The following WASHC4 variants were observed in gnomAD, a reference collection of about 807,000 sequenced individuals.
WASHC4 encodes WASH complex subunit 7.
A neutral mutation model predicts 166.6 loss-of-function variants in WASHC4; 86 were observed. That is an observed-to-expected ratio of 0.52 (90% CI 0.43 to 0.62). The LOEUF (loss-of-function observed/expected upper bound fraction) is 0.62. Ranked by LOEUF, WASHC4 falls within the 20% of genes least tolerant of loss-of-function variation. The pLI is 0.00. For missense variants in WASHC4, 1,262 were observed against 1,382.4 expected, an observed-to-expected ratio of 0.91 and a Z score of 1.38; for synonymous variants, 446 against 451.6, an observed-to-expected ratio of 0.99 and a Z score of 0.16.
At chr12:105,118,292 T>A (rs1484028859) in intron 6 of WASHC4, among the ~76,000 whole-genome samples, 154 bp from the exon 7 acceptor site, 1 of 152,232 alleles carries the variant, frequency 6.6e-6, no homozygotes, top group Non-Finnish European at 1.5e-5. Flanking sequence ...TATTGATTGC[T>A]TGAGGGATGC....
At position 105,122,229 on chromosome 12, in the gene WASHC4, G is replaced by T. The variant is rs1880823982; in HGVS notation, c.777G>T (p.Met259Ile). 5 of 1,612,312 alleles carry T rather than the reference G, an allele frequency of 3.1e-6. No individual in the cohort carries two copies. The East Asian group carries it at 8.9e-5, about 29-fold the overall frequency. The change falls in exon 10 of 33, where the codon ATG becomes ATT. Residue 259 changes from methionine (M) to isoleucine (I), a missense_variant. Transcript: ENST00000332180. Reference sequence around the variant, plus strand: ...TAGAAGGGCAATTACTGGATGGAATGATATTCCAGGTAAGTAGGTCTGTAT... The same window carrying T: ...TAGAAGGGCAATTACTGGATGGAATTATATTCCAGGTAAGTAGGTCTGTAT... ...LKLEGQLLDG[M>I]IFQACIEQQF...
chr12:105,144,653 C>G (rs1883148645), intron 21 of WASHC4, 65 bp from the exon 22 acceptor site: 1 of 1,444,320 alleles, frequency 6.9e-7, no homozygotes, highest in Non-Finnish European at 9.6e-7. Context: ...GTTGTTTTTT[C>G]CTTTTAGGTT....
At chr12:105,146,320 T>C (rs1196803) in intron 22 of WASHC4, 132 bp from the exon 23 acceptor site, 344,401 of 646,662 alleles carry the variant, frequency 0.53, 93,014 homozygotes, top group Middle Eastern at 0.63. Context: ...TGATCGTACC[T>C]TTTATATAGT....
intron 24 of WASHC4, chr12:105,147,612 A>G: frequency 1.0e-6 from 1 of 1,004,994 alleles, no homozygotes; most frequent in Non-Finnish European, 1.2e-6. Flanking sequence ...CTTCTTAGAA[A>G]TGGGCATTCA....
rs954696746 is a variant in WASHC4, at chr12:105,115,343, C to G, written c.367+114C>G. The stretch of plus-strand genomic sequence containing the variant: ...TAATAGTGTGAGAAAAATAAGTATT[C>G]ATATTTTTTGTTGGTATGTTTGGTA... On this transcript the variant is annotated intron_variant, in intron 5 of 32. Transcript: ENST00000332180. 13 of 786,050 alleles carry G rather than the reference C, an allele frequency of 1.7e-5. No individual in the cohort carries two copies. In the Middle Eastern group the frequency reaches 1.1e-3, roughly 69 times the overall value. The allele number at this position is 786,050 out of a possible 1,614,324, so 48.7% of individuals were successfully genotyped here.
Position 105,143,127 on chromosome 12 carries a change from T to C in WASHC4, c.1894T>C (p.Tyr632His), listed in dbSNP as rs896135520. ...ENAVDAARLH[Y>H]MFSALRDCVP... The stretch of plus-strand genomic sequence containing the variant: ...ATGTACATTTTAATTTTCTTCTTAG[T>C]ACATGTTCAGTGCTTTGCGCGACTG... The change falls in exon 20 of 33, where the codon TAC becomes CAC. Residue 632 changes from tyrosine (Y) to histidine (H), a missense_variant and splice_region_variant. Tyr to His is a moderately conservative substitution (Grantham distance 83, BLOSUM62 2). Coordinates refer to ENST00000332180, the MANE Select transcript of WASHC4 (RefSeq NM_015275.3). 7 of 1,591,624 alleles carry C rather than the reference T, an allele frequency of 4.4e-6. No individual in the cohort carries two copies. The African/African-American group carries it at 9.4e-5, about 21-fold the overall frequency.
At chr12:105,142,610 G>T in intron 19 of WASHC4, 52 bp downstream of exon 19, 1 of 1,052,590 alleles carries the variant, frequency 9.5e-7, no homozygotes, top group South Asian at 1.3e-5. Context: ...AAGTCACTGT[G>T]TAAACCGTTT....
chr12:105,140,980 A>T lies in WASHC4; in HGVS notation c.1642A>T (p.Asn548Tyr), dbSNP rs1882793311. 6.2e-7 allele frequency: 1 copy of T among 1,614,188 alleles called. No homozygotes were observed. The highest frequency in any genetic ancestry group is 8.5e-7 in the Non-Finnish European group (1 of 1,180,020). ...TCTAGTTTTGGCTGAAAACACTCTA[A>T]ATGGACCAAGCACAAAGCAACGGCG... ...SALVLAENTL[N>Y]GPSTKQRRLI... The change falls in exon 17 of 33, where the codon AAT becomes TAT. Residue 548 changes from asparagine (N) to tyrosine (Y), a missense_variant. Coordinates refer to ENST00000332180, the MANE Select transcript of WASHC4 (RefSeq NM_015275.3).
At chr12:105,125,736 C>T (rs977936309) in intron 10 of WASHC4, among the ~76,000 whole-genome samples, 14 of 152,046 alleles carry the variant, frequency 9.2e-5, no homozygotes, top group Non-Finnish European at 1.6e-4. Flanking sequence ...CTCTGAACAT[C>T]GTGTGTATCT....
intron 29 of WASHC4, among the ~76,000 whole-genome samples, chr12:105,161,770 T>C (rs1009414575): frequency 3.9e-5 from 6 of 152,356 alleles, no homozygotes. Flanking sequence ...AACTTGGTTT[T>C]GTTTCCAGCG....
At chr12:105,119,098 A>G (rs367847863) in intron 7 of WASHC4, among the ~76,000 whole-genome samples, 134 of 152,308 alleles carry the variant, frequency 8.8e-4, no homozygotes, top group African/African-American at 3.1e-3. Flanking sequence ...TCCGGAGGAA[A>G]CAGATACCAC....
At position 105,163,267 on chromosome 12, in the gene WASHC4, G is replaced by A. The variant is rs148259962; in HGVS notation, c.3157+422G>A. Among the ~76,000 whole-genome samples the A allele has an allele frequency of 2.1e-3, 313 of 152,158 alleles. 1 individual carries two copies. Among genetic ancestry groups the A allele is most frequent in the Middle Eastern group, 3.4e-3 (1 of 294 alleles). ...GCCACCATGCCCGGCCTATAGATTT[G>A]TTTTTCATGAGTGTTGTTTACCGTG... On this transcript the variant is annotated intron_variant, in intron 30 of 32. Coordinates refer to ENST00000332180, the MANE Select transcript of WASHC4 (RefSeq NM_015275.3).
Position 105,137,870 on chromosome 12 carries a change from A to G in WASHC4, c.1327-16A>G, listed in dbSNP as rs188711445. 819 of 1,593,152 alleles carry G rather than the reference A, an allele frequency of 5.1e-4. 4 individuals are homozygous for G. The highest frequency in any genetic ancestry group is 8.3e-5 in the Non-Finnish European group (97 of 1,162,126). On this transcript the variant is annotated splice_polypyrimidine_tract_variant and intron_variant, in intron 14 of 32. Transcript: ENST00000332180. ...AAATCTTTCCTTGTGATTATAATCA[A>G]TGTTTTCCTTTACAGGGCTTCTTGT...
chr12:105,135,985 T>C (rs938624699), intron 14 of WASHC4, among the ~76,000 whole-genome samples: 2 of 152,176 alleles, frequency 1.3e-5, no homozygotes, highest in Non-Finnish European at 2.9e-5. Flanking sequence ...GATATTTTCT[T>C]CCTCCAGAAG....
chr12:105,144,681 C>T, intron 21 of WASHC4, 37 bp from the exon 22 acceptor site: 2 of 1,572,798 alleles, frequency 1.3e-6, no homozygotes, highest in Non-Finnish European at 1.7e-6. Context: ...TTTTCCTTTT[C>T]TACTGTTTCA....
intron 6 of WASHC4, among the ~76,000 whole-genome samples, chr12:105,117,025 AT>A (rs1467448969): frequency 6.6e-6 from 1 of 152,116 alleles, no homozygotes; most frequent in Non-Finnish European, 1.5e-5. Context: ...GAAACTTTGC[AT>A]TTTTCATTTT....
At chr12:105,115,117 A>C in intron 4 of WASHC4, 67 bp from the exon 5 acceptor site, 1 of 804,050 alleles carries the variant, frequency 1.2e-6, no homozygotes, top group South Asian at 1.4e-5. Context: ...ATACAGATCT[A>C]AGAGAGCATA....
At chr12:105,143,614 G>A (rs548303445) in intron 20 of WASHC4, among the ~76,000 whole-genome samples, 1 of 151,988 alleles carries the variant, frequency 6.6e-6, no homozygotes, top group Non-Finnish European at 1.5e-5. Context: ...CTGAGAGAAG[G>A]AAATTATATA....
intron 20 of WASHC4, among the ~76,000 whole-genome samples, chr12:105,144,018 C>A (rs1280920981): frequency 2.0e-5 from 3 of 151,598 alleles, no homozygotes; most frequent in Non-Finnish European, 4.4e-5. Flanking sequence ...TGTTCTCATG[C>A]CCTTTCCTCC....
Sources: allele counts gnomAD v4.1 joint callset (sites outside exome capture counted in the v4.1 genomes callset), GRCh38; gene constraint gnomAD v4.1.1; transcripts MANE v1.5; gene names NCBI Gene and HGNC (gene_info 2026-07-23, HGNC 2026-07-21).